The following JAZF1 variants were observed in gnomAD, a reference collection of about 807,000 sequenced individuals.
The protein encoded by JAZF1 is juxtaposed with another zinc finger protein 1.
Under a neutral mutation model 26.4 loss-of-function variants are expected in JAZF1, and 8 were observed. The observed-to-expected ratio is 0.30, with a 90% CI of 0.18 to 0.55. The LOEUF (loss-of-function observed/expected upper bound fraction) is 0.55, where lower values mean the gene tolerates loss of function less well. Ranked by LOEUF, JAZF1 falls within the 20% of genes least tolerant of loss-of-function variation. JAZF1 has a pLI of 0.94. For missense variants in JAZF1, 199 were observed against 322.0 expected (o/e 0.62, Z 2.92); for synonymous variants, 126 against 122.3 (o/e 1.03, Z -0.20).
chr7:27,985,321 A>G (rs2128363328), intron 2 of JAZF1, among the ~76,000 whole-genome samples: 1 of 152,328 alleles, frequency 6.6e-6, no homozygotes, highest in African/African-American at 2.4e-5. Context: ...AATACTATAA[A>G]CACCTCTATG....
At chr7:27,951,598 T>G (rs1430458357) in intron 2 of JAZF1, among the ~76,000 whole-genome samples, 1 of 152,226 alleles carries the variant, frequency 6.6e-6, no homozygotes, top group Non-Finnish European at 1.5e-5. Context: ...CAGCAAACAT[T>G]CAGGATCCTG....
intron 2 of JAZF1, among the ~76,000 whole-genome samples, chr7:27,986,477 T>C (rs1307363793): frequency 6.6e-6 from 1 of 152,150 alleles, no homozygotes; most frequent in Non-Finnish European, 1.5e-5. Flanking sequence ...CACAAACAAA[T>C]GGAAGAACAT....
intron 1 of JAZF1, among the ~76,000 whole-genome samples, chr7:28,049,870 T>C (rs755716838): frequency 6.6e-6 from 1 of 152,162 alleles, no homozygotes; most frequent in Non-Finnish European, 1.5e-5. Context: ...CACCTTTCTA[T>C]GTTCACCACC....
intron 1 of JAZF1, among the ~76,000 whole-genome samples, chr7:28,087,632 G>A (rs1264143393): frequency 6.6e-6 from 1 of 152,174 alleles, no homozygotes; most frequent in South Asian, 2.1e-4. Context: ...TTTGCATACA[G>A]TTAATCATCT....
chr7:27,844,693 A>C (rs1359903918), intron 3 of JAZF1: 1 of 152,260 alleles, frequency 6.6e-6, no homozygotes, highest in Non-Finnish European at 1.5e-5. Context: ...ATACAGGAAT[A>C]GTTTTAATAA....
At chr7:28,161,257 TAAA>T (rs10630786) in intron 1 of JAZF1, among the ~76,000 whole-genome samples, 5,863 of 77,096 alleles carry the variant, frequency 0.076, 398 homozygotes, top group African/African-American at 0.26. Flanking sequence ...TCCTTTAATC[TAAA>T]AAAAAAAAAA....
intron 2 of JAZF1, among the ~76,000 whole-genome samples, chr7:27,961,949 A>G (rs906364797): frequency 2.6e-5 from 4 of 152,172 alleles, no homozygotes; most frequent in African/African-American, 9.7e-5. Flanking sequence ...CACTGGAGAG[A>G]CCTGAGTTCA....
chr7:27,913,965 T>G (rs899834349), intron 2 of JAZF1, among the ~76,000 whole-genome samples: 1 of 152,112 alleles, frequency 6.6e-6, no homozygotes, highest in African/African-American at 2.4e-5. Flanking sequence ...GTTTCTTTAT[T>G]TCCACAAGTT....
chr7:28,177,525 G>C (rs1783566061), intron 1 of JAZF1, among the ~76,000 whole-genome samples: 1 of 152,024 alleles, frequency 6.6e-6, no homozygotes, highest in African/African-American at 2.4e-5. Flanking sequence ...GCTGTTTAAG[G>C]GTTTTTACTA....
At chr7:27,910,386 A>T (rs1784342427) in intron 2 of JAZF1, among the ~76,000 whole-genome samples, 1 of 152,120 alleles carries the variant, frequency 6.6e-6, no homozygotes, top group South Asian at 2.1e-4. Context: ...GTGTGTTTAA[A>T]TTTTTCAAGA....
At chr7:28,008,567 A>G (rs1310034354) in intron 1 of JAZF1, among the ~76,000 whole-genome samples, 1 of 152,250 alleles carries the variant, frequency 6.6e-6, no homozygotes, top group East Asian at 1.9e-4. Context: ...GTGCAGCCAC[A>G]TCTTAACTCA....
intron 3 of JAZF1, among the ~76,000 whole-genome samples, chr7:27,845,711 A>AAAAAAAAAAAAAAAAAAAG (rs1554328474): frequency 3.6e-5 from 5 of 137,670 alleles, no homozygotes; most frequent in African/African-American, 5.7e-5. Flanking sequence ...AAAAAAAAAA[A>AAAAAAAAAAAAAAAAAAAG]AAAGAAAAGA....
chr7:27,973,833 G>GACC (rs771338394), intron 2 of JAZF1, among the ~76,000 whole-genome samples: 54 of 152,280 alleles, frequency 3.5e-4, no homozygotes, highest in Admixed American at 5.9e-4. Context: ...TCTAGTGATG[G>GACC]CAGCTGGTGG....
chr7:28,006,934 G>A (rs545592715), intron 1 of JAZF1, among the ~76,000 whole-genome samples: 2 of 152,208 alleles, frequency 1.3e-5, no homozygotes, highest in South Asian at 4.2e-4. Context: ...ATTAAAATAA[G>A]CATTATGTAA....
At chr7:28,017,232 T>C (rs771554553) in intron 1 of JAZF1, among the ~76,000 whole-genome samples, 5 of 151,188 alleles carry the variant, frequency 3.3e-5, no homozygotes, top group Non-Finnish European at 7.4e-5. Flanking sequence ...GTGCCTGTAA[T>C]CCCAACTACT....
At chr7:28,133,014 G>A (rs1164434367) in intron 1 of JAZF1, among the ~76,000 whole-genome samples, 1 of 152,190 alleles carries the variant, frequency 6.6e-6, no homozygotes, top group Non-Finnish European at 1.5e-5. Context: ...TTTAAGCACA[G>A]AAGCAAACCA....
At chr7:27,850,776 G>C (rs1783130580) in intron 3 of JAZF1, among the ~76,000 whole-genome samples, 1 of 149,044 alleles carries the variant, frequency 6.7e-6, no homozygotes, top group Admixed American at 6.7e-5. Flanking sequence ...CTTTATCAAG[G>C]TTTCTTTATC....
intron 1 of JAZF1, among the ~76,000 whole-genome samples, chr7:28,120,731 AG>A (rs1782589441): frequency 6.6e-6 from 1 of 151,876 alleles, no homozygotes; most frequent in African/African-American, 2.4e-5. Flanking sequence ...GGCCTAACTA[AG>A]CTGGGAAGCC....
chr7:27,943,453 C>T (rs932635797), intron 2 of JAZF1, among the ~76,000 whole-genome samples: 4 of 152,076 alleles, frequency 2.6e-5, no homozygotes, highest in African/African-American at 4.8e-5. Flanking sequence ...CAGACTGATC[C>T]GGGGAGATGT....
Sources: allele counts gnomAD v4.1 joint callset (sites outside exome capture counted in the v4.1 genomes callset), GRCh38; gene constraint gnomAD v4.1.1; transcripts MANE v1.5; gene names NCBI Gene and HGNC (gene_info 2026-07-23, HGNC 2026-07-21).